DMD: variants seen among roughly 807,000 people sequenced by gnomAD.
DMD encodes the protein mutant dystrophin.
In DMD, 63 loss-of-function variants were observed where a neutral mutation model predicts 330.1. That is an observed-to-expected ratio of 0.19 (90% CI 0.16 to 0.24). The LOEUF is 0.24. Ranked by LOEUF, DMD falls within the 10% of genes least tolerant of loss-of-function variation. The pLI is 1.00. For synonymous variants in DMD, 1,223 were observed against 959.8 expected (o/e 1.27, Z -5.07); for missense variants, 3,344 against 2,684.1 (o/e 1.25, Z -5.43).
intron 44 of DMD, among the ~76,000 whole-genome samples, chrX:32,215,327 A>T (rs1335853003): frequency 9.0e-6 from 1 of 111,393 alleles, no homozygotes; most frequent in Non-Finnish European, 1.9e-5. Context: ...GAAATGTTAA[A>T]TGCACAGATT....
chrX:32,034,301 C>T (rs762609672), intron 44 of DMD, among the ~76,000 whole-genome samples: 1 of 111,791 alleles, frequency 8.9e-6, no homozygotes, highest in East Asian at 2.8e-4. Context: ...ACAAATTTAG[C>T]TTTAGAAAAG....
chrX:32,620,280 C>T (rs758261261), intron 11 of DMD, among the ~76,000 whole-genome samples: 1 of 111,903 alleles, frequency 8.9e-6, no homozygotes, highest in African/African-American at 3.2e-5. Flanking sequence ...ACATACCACT[C>T]ACACTCTTCA....
chrX:32,802,041 G>A (rs953107877), intron 7 of DMD, among the ~76,000 whole-genome samples: 2 of 111,828 alleles, frequency 1.8e-5, no homozygotes, highest in African/African-American at 6.5e-5. Flanking sequence ...TTCTAATTCT[G>A]TGAAGAAAGT....
chrX:32,350,696 CT>C (rs2097778543), intron 37 of DMD, among the ~76,000 whole-genome samples: 1 of 110,932 alleles, frequency 9.0e-6, no homozygotes, highest in Admixed American at 9.6e-5. Flanking sequence ...TTTCAAAAAC[CT>C]TTCTTTCATT....
intron 44 of DMD, among the ~76,000 whole-genome samples, chrX:32,163,817 G>A (rs1433368547): frequency 1.8e-5 from 2 of 111,667 alleles, no homozygotes; most frequent in African/African-American, 6.5e-5. Flanking sequence ...TATGTAAGAT[G>A]TAACCATTAG....
chrX:33,006,587 A>G (rs779220433), intron 2 of DMD, among the ~76,000 whole-genome samples: 2 of 111,582 alleles, frequency 1.8e-5, no homozygotes, highest in Non-Finnish European at 3.8e-5. Context: ...AGATCAGAAG[A>G]GAGACAAAGA....
At chrX:32,209,387 T>C (rs755202199) in intron 44 of DMD, among the ~76,000 whole-genome samples, 13 of 111,078 alleles carry the variant, frequency 1.2e-4, no homozygotes, top group Non-Finnish European at 2.3e-4. Context: ...AAACTGGAGA[T>C]AGGGTAGAGC....
chrX:31,775,661 A>G (rs1261791408), intron 50 of DMD, among the ~76,000 whole-genome samples: 1 of 111,722 alleles, frequency 9.0e-6, no homozygotes, highest in Non-Finnish European at 1.9e-5. Context: ...CACACTGGAC[A>G]ACCAGTGAAC....
At chrX:32,584,584 C>T (rs190197447) in intron 13 of DMD, among the ~76,000 whole-genome samples, 30 of 111,646 alleles carry the variant, frequency 2.7e-4, no homozygotes, top group South Asian at 1.1e-3. Flanking sequence ...TTCTATCCAG[C>T]GATGAAAATT....
chrX:32,229,096 T>C (rs1374827144), intron 43 of DMD, among the ~76,000 whole-genome samples: 1 of 110,799 alleles, frequency 9.0e-6, no homozygotes, highest in Non-Finnish European at 1.9e-5. Flanking sequence ...TGTTTCTTGT[T>C]TTTTTTAAGT....
intron 1 of DMD, among the ~76,000 whole-genome samples, chrX:33,267,407 T>C (rs2148909505): frequency 9.0e-6 from 1 of 111,162 alleles, no homozygotes; most frequent in East Asian, 2.8e-4. Flanking sequence ...AACAATATAA[T>C]TAAAATGGCT....
chrX:31,398,664 AT>A (rs1333576894), intron 60 of DMD, among the ~76,000 whole-genome samples: 1 of 111,618 alleles, frequency 9.0e-6, no homozygotes, highest in African/African-American at 3.3e-5. Flanking sequence ...TTTTTTAGAG[AT>A]GAGATCTTGC....
At chrX:32,945,119 A>G (rs2090712283) in intron 2 of DMD, among the ~76,000 whole-genome samples, 2 of 110,910 alleles carry the variant, frequency 1.8e-5, no homozygotes, top group African/African-American at 6.6e-5. Context: ...TATGTCTAAA[A>G]TATTAATATT....
chrX:32,569,196 C>T (rs1983558078), intron 15 of DMD, among the ~76,000 whole-genome samples: 1 of 111,898 alleles, frequency 8.9e-6, no homozygotes, highest in African/African-American at 3.3e-5. Context: ...GACAGATAAG[C>T]TGTTCAAGAT....
At chrX:32,025,305 T>C (rs1405539143) in intron 44 of DMD, among the ~76,000 whole-genome samples, 1 of 112,183 alleles carries the variant, frequency 8.9e-6, no homozygotes, top group Admixed American at 9.5e-5. Context: ...AGAGGTAAAT[T>C]CTAATTTTCT....
chrX:31,757,954 A>G (rs1471141310), intron 51 of DMD, among the ~76,000 whole-genome samples: 1 of 110,260 alleles, frequency 9.1e-6, no homozygotes, highest in African/African-American at 3.3e-5. Flanking sequence ...ATTCCAGCTT[A>G]AGAACTCCCT....
At chrX:33,012,189 G>T (rs1278284246) in intron 2 of DMD, among the ~76,000 whole-genome samples, 1 of 111,344 alleles carries the variant, frequency 9.0e-6, no homozygotes, top group Non-Finnish European at 1.9e-5. Flanking sequence ...AATATCCTTT[G>T]TTACTTAGGT....
chrX:33,073,282 T>G (rs2148177698), intron 1 of DMD, among the ~76,000 whole-genome samples: 1 of 111,970 alleles, frequency 8.9e-6, no homozygotes, highest in African/African-American at 3.2e-5. Context: ...TTATCAATAA[T>G]AATAGTTACC....
At chrX:33,086,531 G>T in intron 1 of DMD, among the ~76,000 whole-genome samples, 1 of 110,530 alleles carries the variant, frequency 9.0e-6, no homozygotes, top group African/African-American at 3.3e-5. Context: ...GGGGTTCCAA[G>T]ATTTTATAGT....
Sources: gnomAD v4.1 joint callset for allele counts (sites outside exome capture counted in the v4.1 genomes callset) on GRCh38, gnomAD v4.1.1 for gene constraint, MANE v1.5 for transcripts, NCBI Gene and HGNC (gene_info 2026-07-23, HGNC 2026-07-21) for gene names.